CCDC81: variants seen among roughly 807,000 people sequenced by gnomAD.
CCDC81 encodes coiled-coil domain containing 81.
Under a neutral mutation model 83.7 loss-of-function variants are expected in CCDC81, and 79 were observed. That is an observed-to-expected ratio of 0.94 (90% CI 0.79 to 1.14). CCDC81 has a LOEUF of 1.14. CCDC81 is among the 50% of genes most tolerant of loss of function. The pLI is 0.00. For synonymous variants in CCDC81, 252 were observed against 278.1 expected, an observed-to-expected ratio of 0.91 and a Z score of 0.93; for missense variants, 791 against 778.1, an observed-to-expected ratio of 1.02 and a Z score of -0.20.
Position 86,423,073 on chromosome 11 carries a change from G to A in CCDC81, c.*358G>A. 1 of 198,880 alleles carries A rather than the reference G, an allele frequency of 5.0e-6. No homozygotes were observed. Among genetic ancestry groups the A allele is most frequent in the Non-Finnish European group, 1.0e-5 (1 of 97,466 alleles). The allele number at this position is 198,880 out of a possible 1,614,324, so 12.3% of individuals were successfully genotyped here. A position where few individuals can be genotyped will look rare whatever the true frequency, so the allele number is the denominator to read the frequency against. The stretch of plus-strand genomic sequence containing the variant: ...GTACAAAACTTTTTTCATCTGTAAT[G>A]AATAGTGGCAATAATAAATATTTTT... On this transcript the variant is annotated 3_prime_UTR_variant, in exon 15 of 15. Transcript: ENST00000445632.
rs372317159 is a variant in CCDC81 at position 86,408,282 on chromosome 11, C to T, written c.1113+12C>T. 33 of 1,600,894 alleles carry T rather than the reference C, an allele frequency of 2.1e-5. No individual in the cohort carries two copies. The African/African-American group carries it at 3.1e-4, about 15-fold the overall frequency. ...TCTTCAGACACCAGGTAGTCCAACA[C>T]CTCGATTAGTCTTTAATATGGGGCA... On this transcript the variant is annotated intron_variant, in intron 9 of 14. Transcript: ENST00000445632.
chr11:86,393,057 T>C (rs1213368343), intron 4 of CCDC81, among the ~76,000 whole-genome samples: 2 of 152,182 alleles, frequency 1.3e-5, no homozygotes, highest in Admixed American at 6.5e-5. Context: ...TTATAGTACC[T>C]TATAGGTTTT....
intron 11 of CCDC81, 102 bp from the exon 12 acceptor site, chr11:86,414,687 T>C: frequency 1.5e-6 from 1 of 682,832 alleles, no homozygotes; most frequent in Non-Finnish European, 2.5e-6. Flanking sequence ...TACCAGACTC[T>C]TGTTCCTATT....
intron 7 of CCDC81, among the ~76,000 whole-genome samples, chr11:86,403,369 T>C (rs1484147394): frequency 1.3e-5 from 2 of 152,210 alleles, no homozygotes; most frequent in Admixed American, 1.3e-4. Flanking sequence ...TAATTTTGTT[T>C]CTGCACCATT....
intron 9 of CCDC81, 99 bp downstream of exon 9, chr11:86,408,369 G>A: frequency 8.5e-7 from 1 of 1,182,136 alleles, no homozygotes; most frequent in East Asian, 2.9e-5. Flanking sequence ...GTCTCACTCT[G>A]TCACCCAGGT....
At chr11:86,375,351 C>A (rs292093) in intron 1 of CCDC81, 109 bp downstream of exon 1, 564,068 of 913,166 alleles carry the variant, frequency 0.62, 179,210 homozygotes, top group East Asian at 0.85. Flanking sequence ...CCTGGCCTGC[C>A]GTGGCTAAGT....
At chr11:86,407,782 C>T in intron 8 of CCDC81, 81 bp downstream of exon 8, 1 of 1,070,308 alleles carries the variant, frequency 9.3e-7, no homozygotes, top group East Asian at 2.6e-5. Flanking sequence ...GGGAATCTCT[C>T]TTCCTTAATT....
At position 86,386,079 on chromosome 11, in the gene CCDC81, A is replaced by G; in HGVS notation, c.108A>G (p.Ser36=). The G allele has an allele frequency of 6.6e-7, 1 of 1,515,838 alleles. No homozygotes were observed. The highest frequency in any genetic ancestry group is 1.3e-5 in the South Asian group (1 of 79,236). 93.9% of individuals were successfully genotyped at this position (1,515,838 alleles called of 1,614,324 possible). ...TCTCTATTATCTGGGGGAATGTATC[A>G]GAATTTGTGAGACGGCAGTTAACCC... ...EEVSIIWGNV[S]EFVRRQLTLH... The change falls in exon 2 of 15, where the codon TCA becomes TCG. Residue 36 remains serine, a synonymous_variant. Coordinates refer to ENST00000445632, the MANE Select transcript of CCDC81 (RefSeq NM_001156474.2).
Position 86,375,228 on chromosome 11 carries a change from C to A in CCDC81, c.65C>A (p.Ser22Ter), listed in dbSNP as rs757152208. Residue 22 changes from serine (S) to a stop codon, truncating the protein, a stop_gained, in exon 1 of 15, where the codon TCG (serine) becomes TAG (stop). Coordinates refer to ENST00000445632, the MANE Select transcript of CCDC81 (RefSeq NM_001156474.2). LOFTEE classifies it high-confidence loss of function. ...AGGCAGGTGCTGCCCACTCTGCCCT[C>A]GCTGAGCCAGGAGGGTAAGCGTGTT... Reference protein sequence around the residue: ...LGRQVLPTLPSLSQEEVSIIW... With the variant: ...LGRQVLPTLP 1.2e-6 allele frequency: 2 copies of A among 1,611,212 alleles called. No homozygotes were observed. The highest frequency in any genetic ancestry group is 8.5e-7 in the Non-Finnish European group (1 of 1,179,756).
intron 1 of CCDC81, among the ~76,000 whole-genome samples, chr11:86,377,491 C>T (rs1241723347): frequency 6.6e-6 from 1 of 152,098 alleles, no homozygotes; most frequent in Non-Finnish European, 1.5e-5. Context: ...AGATTTTGGT[C>T]ATTCTAATAG....
intron 13 of CCDC81, among the ~76,000 whole-genome samples, chr11:86,416,704 T>G (rs1390272978): frequency 6.6e-6 from 1 of 152,172 alleles, no homozygotes; most frequent in Non-Finnish European, 1.5e-5. Context: ...GTTTTCTATT[T>G]ACATATTCTT....
chr11:86,409,369 A>T lies in CCDC81; in HGVS notation c.1218+4A>T, dbSNP rs760086679. The T allele has an allele frequency of 1.4e-6, 2 of 1,473,948 alleles. No homozygotes were observed. Among genetic ancestry groups the T allele is most frequent in the African/African-American group, 2.9e-5 (2 of 69,148 alleles). 91.3% of individuals were successfully genotyped at this position (1,473,948 alleles called of 1,614,324 possible). A position where few individuals can be genotyped will look rare whatever the true frequency, so the allele number is the denominator to read the frequency against. On this transcript the variant is annotated splice_donor_region_variant and intron_variant, in intron 10 of 14. Transcript: ENST00000445632. ...GAATGAGAAACCGGAATTTTATGTA[A>T]GTCTTTTAAAAATTTCTGTTGCTAA...
At chr11:86,416,473 C>T (rs1193736577) in intron 13 of CCDC81, among the ~76,000 whole-genome samples, 1 of 152,164 alleles carries the variant, frequency 6.6e-6, no homozygotes, top group Non-Finnish European at 1.5e-5. Flanking sequence ...TAGTTATTTC[C>T]TAAACTTGGA....
At chr11:86,407,773 G>C (rs1948582597) in intron 8 of CCDC81, 72 bp downstream of exon 8, 3 of 1,136,810 alleles carry the variant, frequency 2.6e-6, no homozygotes. Flanking sequence ...GAGAGTTCTG[G>C]GAATCTCTCT....
chr11:86,404,865 T>C (rs901923372), intron 7 of CCDC81, among the ~76,000 whole-genome samples: 8 of 152,212 alleles, frequency 5.3e-5, no homozygotes, highest in East Asian at 1.9e-4. Flanking sequence ...TCCAAATGAA[T>C]AGAGGTTTGT....
intron 2 of CCDC81, among the ~76,000 whole-genome samples, chr11:86,386,588 A>C (rs1948243889): frequency 1.3e-5 from 2 of 152,216 alleles, no homozygotes; most frequent in Admixed American, 1.3e-4. Context: ...TAGATGCCAT[A>C]GAACTGGACA....
intron 3 of CCDC81, among the ~76,000 whole-genome samples, chr11:86,389,096 C>T (rs1411028851): frequency 6.6e-6 from 1 of 152,046 alleles, no homozygotes; most frequent in Non-Finnish European, 1.5e-5. Context: ...TCAAGACCAG[C>T]CTTGGCAACA....
At chr11:86,393,704 A>G (rs545037749) in intron 4 of CCDC81, among the ~76,000 whole-genome samples, 7 of 152,196 alleles carry the variant, frequency 4.6e-5, no homozygotes, top group Non-Finnish European at 1.0e-4. Flanking sequence ...ATTATTGTCA[A>G]CCATTAAGTA....
chr11:86,408,415 C>T, intron 9 of CCDC81, 145 bp downstream of exon 9: 1 of 665,492 alleles, frequency 1.5e-6, no homozygotes, highest in East Asian at 3.3e-5. Flanking sequence ...TCACTGCAGC[C>T]TTGACCTACT....
Sources: allele counts gnomAD v4.1 joint callset (sites outside exome capture counted in the v4.1 genomes callset), GRCh38; gene constraint gnomAD v4.1.1; transcripts MANE v1.5; gene names NCBI Gene and HGNC (gene_info 2026-07-23, HGNC 2026-07-21).